The following RFX7 variants were observed in gnomAD, a reference collection of about 807,000 sequenced individuals.
RFX7 encodes the protein DNA-binding protein RFX7.
A neutral mutation model predicts 111.8 loss-of-function variants in RFX7; 26 were observed. That is an observed-to-expected ratio of 0.23 (90% CI 0.17 to 0.32). The LOEUF (loss-of-function observed/expected upper bound fraction) is 0.32, where lower values mean the gene tolerates loss of function less well. RFX7 is among the 10% of genes least tolerant of loss of function. The pLI is 1.00. For missense variants in RFX7, 1,573 were observed against 1,772.9 expected, an observed-to-expected ratio of 0.89 and a Z score of 2.02; for synonymous variants, 624 against 624.4, an observed-to-expected ratio of 1.00 and a Z score of 0.01.
At chr15:56,189,529 A>G (rs1257846487) in intron 2 of RFX7, among the ~76,000 whole-genome samples, 2 of 152,306 alleles carry the variant, frequency 1.3e-5, no homozygotes, top group Non-Finnish European at 2.9e-5. Flanking sequence ...TACATAAGGA[A>G]CTCCTACAAC....
At chr15:56,162,191 G>C (rs1249213413) in intron 3 of RFX7, among the ~76,000 whole-genome samples, 1 of 152,024 alleles carries the variant, frequency 6.6e-6, no homozygotes, top group Non-Finnish European at 1.5e-5. Flanking sequence ...CAAAAAACTG[G>C]ATTTCTACTG....
At chr15:56,228,439 A>G (rs2043509921) in intron 2 of RFX7, among the ~76,000 whole-genome samples, 1 of 152,168 alleles carries the variant, frequency 6.6e-6, no homozygotes, top group South Asian at 2.1e-4. Context: ...CAACTGAAGC[A>G]GCAAACCAAG....
chr15:56,228,764 TC>T lies in RFX7; in HGVS notation c.161+14360del, dbSNP rs1232606359. Among the ~76,000 whole-genome samples the T allele has an allele frequency of 3.3e-5, 5 of 151,890 alleles. No individual in the cohort carries two copies. In the East Asian group the frequency reaches 5.8e-4, roughly 18 times the overall value. On this transcript the variant is annotated intron_variant, in intron 2 of 9. Coordinates refer to ENST00000559447, the MANE Select transcript of RFX7 (RefSeq NM_022841.7). ...TTAAGAATGATTGAAAATAAAGTAGTCCCCCCTCATTCTCGAGGGATATCTT... is the reference window on the plus strand; with the variant it reads ...TTAAGAATGATTGAAAATAAAGTAGTCCCCCTCATTCTCGAGGGATATCTT...
At chr15:56,186,629 T>G (rs1255738561) in intron 2 of RFX7, among the ~76,000 whole-genome samples, 1 of 152,022 alleles carries the variant, frequency 6.6e-6, no homozygotes, top group Non-Finnish European at 1.5e-5. Context: ...ATGAACTGTA[T>G]ACATGTGTGT....
At chr15:56,124,611 G>C (rs558694576) in intron 5 of RFX7, among the ~76,000 whole-genome samples, 1 of 152,296 alleles carries the variant, frequency 6.6e-6, no homozygotes, top group South Asian at 2.1e-4. Flanking sequence ...GATGATTAGT[G>C]ATGTTGAGCA....
chr15:56,195,330 G>C (rs560832491), intron 2 of RFX7, among the ~76,000 whole-genome samples: 4 of 152,120 alleles, frequency 2.6e-5, no homozygotes, highest in African/African-American at 9.6e-5. Flanking sequence ...AGAGGTGATG[G>C]CTACATAACA....
chr15:56,110,132 A>G (rs1595931531), intron 5 of RFX7, among the ~76,000 whole-genome samples: 1 of 126,260 alleles, frequency 7.9e-6, no homozygotes, highest in Non-Finnish European at 1.7e-5. Context: ...CCAGTCCGGG[A>G]GGGAGGTGGG....
At chr15:56,204,754 T>A (rs72738656) in intron 2 of RFX7, among the ~76,000 whole-genome samples, 19,794 of 152,170 alleles carry the variant, frequency 0.13, 1,675 homozygotes, top group East Asian at 0.44. Flanking sequence ...CCCCAAATAA[T>A]CTTATTTTAG....
At chr15:56,225,696 CT>C (rs1452833455) in intron 2 of RFX7, among the ~76,000 whole-genome samples, 1 of 152,100 alleles carries the variant, frequency 6.6e-6, no homozygotes, top group Admixed American at 6.6e-5. Context: ...AATTTGGTAT[CT>C]TTATATCTGG....
chr15:56,102,292 G>A, intron 6 of RFX7, 39 bp from the exon 7 acceptor site: 1 of 1,275,316 alleles, frequency 7.8e-7, no homozygotes, highest in Non-Finnish European at 1.1e-6. Flanking sequence ...AAAATTAAAT[G>A]AATTGCTTAT....
In RFX7 at chr15:56,234,385, C is replaced by T. The variant is rs538814040; in HGVS notation, c.161+8740G>A. Among the ~76,000 whole-genome samples, 10 of 152,248 alleles carry T rather than the reference C, an allele frequency of 6.6e-5. No homozygotes were observed. In the East Asian group the frequency reaches 7.7e-4, roughly 12 times the overall value. ...ATGATTCTATAAATTCAGAATTTAT[C>T]GTTGACCTTCTGACTTCTTAAAAAC... On this transcript the variant is annotated intron_variant, in intron 2 of 9. Coordinates refer to ENST00000559447, the MANE Select transcript of RFX7 (RefSeq NM_022841.7).
At chr15:56,158,465 G>A (rs1039771733) in intron 3 of RFX7, among the ~76,000 whole-genome samples, 1 of 152,150 alleles carries the variant, frequency 6.6e-6, no homozygotes, top group East Asian at 1.9e-4. Flanking sequence ...AATTTGATGT[G>A]GCAAAGTAAG....
At chr15:56,104,297 G>C (rs1208023798) in intron 5 of RFX7, among the ~76,000 whole-genome samples, 2 of 152,176 alleles carry the variant, frequency 1.3e-5, no homozygotes, top group Non-Finnish European at 2.9e-5. Context: ...GACACACCAA[G>C]TCTTAACTAC....
chr15:56,165,566 T>G (rs2042772800), intron 3 of RFX7, among the ~76,000 whole-genome samples: 1 of 152,148 alleles, frequency 6.6e-6, no homozygotes, highest in African/African-American at 2.4e-5. Context: ...AGAGCTGACT[T>G]AATTCAGAAA....
intron 2 of RFX7, among the ~76,000 whole-genome samples, chr15:56,184,042 C>CA (rs1403924945): frequency 6.8e-5 from 10 of 146,414 alleles, no homozygotes; most frequent in African/African-American, 2.5e-5. Context: ...TTTTTTGAGA[C>CA]AGAGTTTTGC....
chr15:56,165,402 CT>C (rs1290896805), intron 3 of RFX7, among the ~76,000 whole-genome samples: 1 of 152,216 alleles, frequency 6.6e-6, no homozygotes, highest in East Asian at 1.9e-4. Flanking sequence ...ATGATGGCAT[CT>C]GTTACCTAGT....
At chr15:56,169,874 A>G (rs1298466112) in intron 3 of RFX7, among the ~76,000 whole-genome samples, 1 of 151,940 alleles carries the variant, frequency 6.6e-6, no homozygotes, top group East Asian at 1.9e-4. Flanking sequence ...GGGGCATACT[A>G]AACTAAGTAG....
intron 2 of RFX7, among the ~76,000 whole-genome samples, chr15:56,229,685 A>T (rs2043528146): frequency 6.6e-6 from 1 of 152,176 alleles, no homozygotes; most frequent in Non-Finnish European, 1.5e-5. Context: ...GGGTTGGGGG[A>T]GCCCCCAAAT....
chr15:56,226,661 T>C (rs1365421635), intron 2 of RFX7, among the ~76,000 whole-genome samples: 5 of 152,258 alleles, frequency 3.3e-5, no homozygotes, highest in Middle Eastern at 3.4e-3. Context: ...AATAAGAAAG[T>C]AATACAGAGA....
Sources: allele counts gnomAD v4.1 joint callset (sites outside exome capture counted in the v4.1 genomes callset), GRCh38; gene constraint gnomAD v4.1.1; transcripts MANE v1.5; gene names NCBI Gene and HGNC (gene_info 2026-07-23, HGNC 2026-07-21).